TMEM53: variants seen among roughly 807,000 people sequenced by gnomAD.
The protein encoded by TMEM53 is transmembrane protein 53.
In TMEM53, 14 loss-of-function variants were observed where a neutral mutation model predicts 21.4. The ratio of observed to expected loss-of-function variants is 0.65; its 90% CI spans 0.43 to 1.02. The LOEUF (loss-of-function observed/expected upper bound fraction) is 1.02, where lower values mean the gene tolerates loss of function less well. TMEM53 is among the 50% of genes least tolerant of loss of function. The pLI is 0.00. For synonymous variants in TMEM53, 148 were observed against 157.4 expected (o/e 0.94, Z 0.45); for missense variants, 323 against 383.6 (o/e 0.84, Z 1.32).
rs963797016 is a variant in TMEM53 at position 44,660,431 on chromosome 1, G to A, written c.62-136C>T. ...CCAGGCCCAGGCATCCTGCCAGCAC[G>A]CATGCACCAGTTCCCACCCCGTGCT... On this transcript the variant is annotated intron_variant, in intron 1 of 2. Transcript: ENST00000372237. The A allele has an allele frequency of 2.1e-5, 27 of 1,263,002 alleles. 1 individual carries two copies. Among genetic ancestry groups the A allele is most frequent in the Middle Eastern group, 2.8e-4 (1 of 3,540 alleles). 78.2% of individuals were successfully genotyped at this position (1,263,002 alleles called of 1,614,324 possible).
At position 44,660,249 on chromosome 1, in the gene TMEM53, A is replaced by C; in HGVS notation, c.108T>G (p.Pro36=). The part of the protein sequence containing the change: ...PGGKEAETRQ[P]VVILLGWGGC... ...CACCCCAGCCCAAGAGAATCACCAC[A>C]GGCTGCCGAGTTTCTGCCTCCTTCC... The change falls in exon 2 of 3, where the codon CCT becomes CCG. Residue 36 remains proline (P), a synonymous_variant. Coordinates refer to ENST00000372237, the MANE Select transcript of TMEM53 (RefSeq NM_024587.4). 1 of 1,614,050 alleles carries C rather than the reference A, an allele frequency of 6.2e-7. No individual in the cohort carries two copies. The highest frequency in any genetic ancestry group is 8.5e-7 in the Non-Finnish European group (1 of 1,179,984).
At chr1:44,658,003 C>G (rs927943169) in intron 2 of TMEM53, among the ~76,000 whole-genome samples, 2 of 152,040 alleles carry the variant, frequency 1.3e-5, no homozygotes, top group South Asian at 4.1e-4. Context: ...CTTACTCCAT[C>G]TACTTTCTCC....
intron 1 of TMEM53, among the ~76,000 whole-genome samples, chr1:44,667,315 G>GT (rs5773848): frequency 0.19 from 26,642 of 138,114 alleles, 2,669 homozygotes; most frequent in African/African-American, 0.25. Flanking sequence ...TTTTTTTGTT[G>GT]TTTTTTTTTT....
intron 1 of TMEM53, among the ~76,000 whole-genome samples, chr1:44,665,863 A>T (rs1051783958): frequency 6.6e-5 from 10 of 152,202 alleles, no homozygotes; most frequent in African/African-American, 2.4e-4. Flanking sequence ...CAAACAAAAG[A>T]GATAAATTGA....
intron 1 of TMEM53, among the ~76,000 whole-genome samples, chr1:44,667,384 T>C (rs1644958774): frequency 6.6e-6 from 1 of 150,674 alleles, no homozygotes; most frequent in African/African-American, 2.5e-5. Flanking sequence ...CTCGGCTCAC[T>C]ACAACCTTCG....
intron 1 of TMEM53, among the ~76,000 whole-genome samples, chr1:44,668,927 A>G (rs755477804): frequency 6.6e-6 from 1 of 152,230 alleles, no homozygotes; most frequent in Non-Finnish European, 1.5e-5. Context: ...GTACAAAATC[A>G]TATCTCGGTT....
At chr1:44,673,201 G>A (rs1351486488) in intron 1 of TMEM53, among the ~76,000 whole-genome samples, 1 of 152,228 alleles carries the variant, frequency 6.6e-6, no homozygotes, top group African/African-American at 2.4e-5. Context: ...AGCTGGTCTG[G>A]GGCCATCTGT....
At chr1:44,672,108 G>C (rs559138096) in intron 1 of TMEM53, among the ~76,000 whole-genome samples, 3 of 152,358 alleles carry the variant, frequency 2.0e-5, no homozygotes, top group Non-Finnish European at 4.4e-5. Context: ...AATGGATTCA[G>C]GGGACCACAG....
chr1:44,655,024 C>T lies in TMEM53; in HGVS notation c.369G>A (p.Val123=), dbSNP rs199778287. 532 of 1,614,088 alleles carry T rather than the reference C, an allele frequency of 3.3e-4. 8 individuals carry two copies. The East Asian group carries it at 0.011, about 33-fold the overall frequency. ...AGCGACGGGTCTGCAGGAGCTCCAGCACGTAGCGGTACAGCATGACGCCAC... is the reference window on the plus strand; with the variant it reads ...AGCGACGGGTCTGCAGGAGCTCCAGTACGTAGCGGTACAGCATGACGCCAC... The part of the protein sequence containing the change: ...SNGGVMLYRY[V]LELLQTRRFC... Residue 123 remains valine, a synonymous_variant, in exon 3 of 3, where the codon GTG becomes GTA. Transcript: ENST00000372237. This position sits in a 1 kb window ranked among gnomAD's most constrained non-coding sequence, Gnocchi z 4.4.
rs868307054 is a variant in TMEM53 at position 44,654,237 on chromosome 1, C to G, written c.*322G>C. On this transcript the variant is annotated 3_prime_UTR_variant, in exon 3 of 3. Transcript: ENST00000372237. The surrounding 1 kb of genome is among the most constrained non-coding windows in gnomAD (Gnocchi z 7.0). ...AATCAACTAGGGCTCACCCTCAACA[C>G]CCCCCTCCATTTGTCAACCTCTACA... The G allele has an allele frequency of 3.5e-6, 1 of 289,832 alleles. No individual in the cohort carries two copies. The highest frequency in any genetic ancestry group is 2.2e-5 in the African/African-American group (1 of 46,286). 18.0% of individuals were successfully genotyped at this position (289,832 alleles called of 1,614,324 possible).
At chr1:44,663,776 A>G (rs1331334288) in intron 1 of TMEM53, among the ~76,000 whole-genome samples, 1 of 152,212 alleles carries the variant, frequency 6.6e-6, no homozygotes, top group African/African-American at 2.4e-5. Flanking sequence ...ACAAGCAATC[A>G]AATATACCTT....
intron 1 of TMEM53, among the ~76,000 whole-genome samples, chr1:44,666,658 A>C (rs1419737343): frequency 6.6e-6 from 1 of 152,194 alleles, no homozygotes; most frequent in Non-Finnish European, 1.5e-5. Flanking sequence ...ATAAAATATC[A>C]AGAATAGGCA....
chr1:44,667,266 G>A (rs939398987), intron 1 of TMEM53, among the ~76,000 whole-genome samples: 1 of 150,914 alleles, frequency 6.6e-6, no homozygotes, highest in Admixed American at 6.6e-5. Context: ...TATCATAACA[G>A]AATACCCATA....
At chr1:44,661,147 G>A (rs959869768) in intron 1 of TMEM53, among the ~76,000 whole-genome samples, 1 of 152,088 alleles carries the variant, frequency 6.6e-6, no homozygotes, top group East Asian at 1.9e-4. Context: ...CAACAAGATC[G>A]AGCGACTCAC....
intron 1 of TMEM53, among the ~76,000 whole-genome samples, chr1:44,666,803 TAC>T (rs949061944): frequency 1.3e-5 from 2 of 152,158 alleles, no homozygotes; most frequent in African/African-American, 4.8e-5. Context: ...GTGATATTCT[TAC>T]AATTCTGTGA....
intron 2 of TMEM53, among the ~76,000 whole-genome samples, chr1:44,657,489 G>A (rs1432187073): frequency 6.6e-6 from 1 of 152,194 alleles, no homozygotes; most frequent in Non-Finnish European, 1.5e-5. Context: ...TATACACTAA[G>A]TGTAAATAGA....
At chr1:44,656,281 G>GA (rs796095303) in intron 2 of TMEM53, among the ~76,000 whole-genome samples, 25 of 151,880 alleles carry the variant, frequency 1.6e-4, no homozygotes, top group East Asian at 7.7e-4. Flanking sequence ...AAAATTAGAT[G>GA]AAAAAAAATG....
Position 44,654,732 on chromosome 1 carries a change from C to T in TMEM53, c.661G>A (p.Glu221Lys), listed in dbSNP as rs541061866. ...PELYLYSRAD[E>K]VVLARDIERM... ...TCTATGTCTCTGGCCAGGACTACTT[C>T]GTCAGCCCTCGAGTAGAGGTAGAGC... Residue 221 changes from glutamate to lysine, a missense_variant, in exon 3 of 3, where the codon GAA becomes AAA. By Grantham distance (56) the Glu-to-Lys change is moderately conservative. Transcript: ENST00000372237. The surrounding 1 kb of genome is among the most constrained non-coding windows in gnomAD (Gnocchi z 7.0). 1.5e-5 allele frequency: 24 copies of T among 1,614,100 alleles called. No homozygotes were observed. In the South Asian group the frequency reaches 1.6e-4, roughly 11 times the overall value.
intron 1 of TMEM53, among the ~76,000 whole-genome samples, chr1:44,665,402 C>T (rs914146269): frequency 6.6e-6 from 1 of 151,938 alleles, no homozygotes; most frequent in Non-Finnish European, 1.5e-5. Context: ...TTTGGAAGGC[C>T]GAGGCAGGTA....
Sources: allele counts gnomAD v4.1 joint callset (sites outside exome capture counted in the v4.1 genomes callset), GRCh38; gene constraint gnomAD v4.1.1; non-coding constraint Gnocchi (gnomAD v3.1); transcripts MANE v1.5; gene names NCBI Gene and HGNC (gene_info 2026-07-23, HGNC 2026-07-21).